The following HYAL4 variants were observed in gnomAD, a reference collection of about 807,000 sequenced individuals.
HYAL4 encodes the protein hyaluronidase 4.
Under a neutral mutation model 35.2 loss-of-function variants are expected in HYAL4, and 37 were observed. The observed-to-expected ratio is 1.05, with a 90% CI of 0.81 to 1.38. The LOEUF (loss-of-function observed/expected upper bound fraction) is 1.38. Among genes scored for constraint, HYAL4 ranks in the 40% most tolerant of loss-of-function variants. The pLI is 0.00. For synonymous variants in HYAL4, 198 were observed against 203.2 expected (o/e 0.97, Z 0.22); for missense variants, 572 against 572.4 (o/e 1.00, Z 0.01).
chr7:123,834,342 C>A (rs774732851), intron 1 of HYAL4, among the ~76,000 whole-genome samples: 1 of 151,532 alleles, frequency 6.6e-6, no homozygotes, highest in Non-Finnish European at 1.5e-5. Flanking sequence ...GTTTTTTTTG[C>A]GGTTATTGTA....
At chr7:123,855,387 G>T (rs1806413148) in intron 2 of HYAL4, among the ~76,000 whole-genome samples, 1 of 151,992 alleles carries the variant, frequency 6.6e-6, no homozygotes, top group African/African-American at 2.4e-5. Flanking sequence ...GCTCTTGTAA[G>T]GCAGGCCTGA....
chr7:123,802,931 G>A, the HYAL4 span, among the ~76,000 whole-genome samples: 1 of 152,224 alleles, frequency 6.6e-6, no homozygotes, highest in East Asian at 1.9e-4. Context: ...CTGGTGTCTC[G>A]GGACTGAAAG....
intron 1 of HYAL4, among the ~76,000 whole-genome samples, chr7:123,838,078 C>A (rs1160263088): frequency 1.3e-5 from 2 of 151,998 alleles, no homozygotes; most frequent in Non-Finnish European, 2.9e-5. Context: ...GTTCTAGATC[C>A]CTGAGGAATT....
chr7:123,781,861 A>G, the HYAL4 span, among the ~76,000 whole-genome samples: 1 of 152,118 alleles, frequency 6.6e-6, no homozygotes, highest in Non-Finnish European at 1.5e-5. Flanking sequence ...GTTTCTATGG[A>G]CAGTGCTAGT....
intron 1 of HYAL4, among the ~76,000 whole-genome samples, chr7:123,836,466 G>A (rs145802220): frequency 4.6e-5 from 7 of 152,184 alleles, no homozygotes; most frequent in Non-Finnish European, 7.4e-5. Flanking sequence ...AAGTTTATAT[G>A]AGTCCTTATG....
the HYAL4 span, among the ~76,000 whole-genome samples, chr7:123,786,514 A>AT: frequency 0.013 from 1,835 of 146,520 alleles, 27 homozygotes; most frequent in African/African-American, 0.028. Context: ...CATCAGCTTT[A>AT]TTTTTTTTTT....
chr7:123,766,476 G>A, the HYAL4 span, among the ~76,000 whole-genome samples: 2 of 151,500 alleles, frequency 1.3e-5, no homozygotes, highest in African/African-American at 2.4e-5. Flanking sequence ...TTTTCTTTTC[G>A]TTAAATTAGA....
At chr7:123,850,673 T>A (rs1244442293) in intron 2 of HYAL4, among the ~76,000 whole-genome samples, 1 of 152,190 alleles carries the variant, frequency 6.6e-6, no homozygotes, top group African/African-American at 2.4e-5. Context: ...AATGCATGAA[T>A]CCTGTGCTCT....
In HYAL4 at chr7:123,869,204, G is replaced by A; in HGVS notation, c.931G>A (p.Glu311Lys). The A allele has an allele frequency of 6.2e-6, 10 of 1,601,778 alleles. No individual in the cohort carries two copies. The highest frequency in any genetic ancestry group is 1.3e-5 in the African/African-American group (1 of 74,476). Residue 311 changes from glutamate to lysine, a missense_variant, in exon 3 of 5, where the codon GAA becomes AAA. Glu to Lys is a moderately conservative substitution (Grantham distance 56). Coordinates refer to ENST00000223026, the MANE Select transcript of HYAL4 (RefSeq NM_012269.3). ...CTACACAAGGCTAGGGTACAGAGAT[G>A]AACCTTTATTTTTCCTTTCTAAGGT... ...FVYTRLGYRD[E>K]PLFFLSKQDL...
chr7:123,856,447 G>A (rs544559117), intron 2 of HYAL4, among the ~76,000 whole-genome samples: 1 of 152,266 alleles, frequency 6.6e-6, no homozygotes, highest in African/African-American at 2.4e-5. Flanking sequence ...CTAACAGTCA[G>A]GTCCCTCTTC....
chr7:123,811,224 A>G, the HYAL4 span, among the ~76,000 whole-genome samples: 23 of 152,230 alleles, frequency 1.5e-4, no homozygotes, highest in African/African-American at 5.3e-4. Context: ...TAATGATTGG[A>G]TTGTATGGTA....
At chr7:123,853,021 G>C (rs1205451315) in intron 2 of HYAL4, among the ~76,000 whole-genome samples, 1 of 152,150 alleles carries the variant, frequency 6.6e-6, no homozygotes, top group East Asian at 1.9e-4. Context: ...GTTCATTCAT[G>C]ATTTGGCTCT....
At chr7:123,812,994 G>T in the HYAL4 span, among the ~76,000 whole-genome samples, 2 of 152,028 alleles carry the variant, frequency 1.3e-5, no homozygotes, top group African/African-American at 4.8e-5. Context: ...GTTCACATTT[G>T]TTAATTTAAA....
the HYAL4 span, among the ~76,000 whole-genome samples, chr7:123,766,057 T>G: frequency 6.6e-6 from 1 of 152,176 alleles, no homozygotes; most frequent in African/African-American, 2.4e-5. Context: ...TGTTACTTGT[T>G]CTTTTCTTCA....
At chr7:123,856,401 G>A (rs976370357) in intron 2 of HYAL4, among the ~76,000 whole-genome samples, 3 of 152,136 alleles carry the variant, frequency 2.0e-5, no homozygotes, top group Admixed American at 2.0e-4. Flanking sequence ...TTTTGTTGAT[G>A]TTGATGTTAT....
At chr7:123,857,225 G>T (rs573034079) in intron 2 of HYAL4, among the ~76,000 whole-genome samples, 1 of 152,178 alleles carries the variant, frequency 6.6e-6, no homozygotes, top group South Asian at 2.1e-4. Context: ...AGGTGCCACT[G>T]GGGTACAAAA....
At chr7:123,804,285 GTAA>G in the HYAL4 span, among the ~76,000 whole-genome samples, 1 of 152,176 alleles carries the variant, frequency 6.6e-6, no homozygotes, top group Non-Finnish European at 1.5e-5. Flanking sequence ...ATTCACAGGT[GTAA>G]TAATACTACA....
chr7:123,833,121 T>G (rs1462967757), intron 1 of HYAL4, among the ~76,000 whole-genome samples: 2 of 152,254 alleles, frequency 1.3e-5, no homozygotes, highest in African/African-American at 2.4e-5. Context: ...CTGGAACAAA[T>G]GGTAGTTCTA....
At chr7:123,866,650 A>G (rs1169998147) in intron 2 of HYAL4, among the ~76,000 whole-genome samples, 1 of 152,220 alleles carries the variant, frequency 6.6e-6, no homozygotes, top group Non-Finnish European at 1.5e-5. Context: ...TTATGCCATC[A>G]AACCCTTTGA....
Sources: allele counts gnomAD v4.1 joint callset (sites outside exome capture counted in the v4.1 genomes callset), GRCh38; gene constraint gnomAD v4.1.1; transcripts MANE v1.5; gene names NCBI Gene and HGNC (gene_info 2026-07-23, HGNC 2026-07-21).